Variants in VPS8 observed in about 807,000 individuals in gnomAD.
VPS8 encodes the protein vacuolar protein sorting-associated protein 8 homolog.
VPS8 carries 129 observed loss-of-function variants against 216.4 expected under a neutral mutation model. The observed-to-expected ratio is 0.60, with a 90% CI of 0.52 to 0.69. The LOEUF (loss-of-function observed/expected upper bound fraction) is 0.69. VPS8 is among the 30% of genes least tolerant of loss of function. The pLI is 0.00. For synonymous variants in VPS8, 571 were observed against 565.4 expected (o/e 1.01, Z -0.14); for missense variants, 1,531 against 1,683.5 (o/e 0.91, Z 1.59).
rs1271323437 is a variant in VPS8, at chr3:184,936,258, C to T, written c.2911C>T (p.Leu971=). ...AMDHIEELVS[L]KPCKAAELVA... is the part of the protein sequence containing the mutation. Reference sequence around the variant, plus strand: ...CCTTTAACTCCAGGAACTCGTGTCCCTGAAGCCTTGTAAAGCTGCGGAGCT... The same window carrying T: ...CCTTTAACTCCAGGAACTCGTGTCCTTGAAGCCTTGTAAAGCTGCGGAGCT... Residue 971 remains leucine (L), a synonymous_variant, in exon 35 of 48, where the codon CTG becomes TTG. Transcript: ENST00000625842. 1 of 1,609,040 alleles carries T rather than the reference C, an allele frequency of 6.2e-7. No homozygotes were observed. Among genetic ancestry groups the T allele is most frequent in the Non-Finnish European group, 8.5e-7 (1 of 1,177,688 alleles).
At chr3:185,019,238 T>C (rs1390733803) in intron 45 of VPS8, among the ~76,000 whole-genome samples, 1 of 152,094 alleles carries the variant, frequency 6.6e-6, no homozygotes, top group Non-Finnish European at 1.5e-5. Flanking sequence ...TCTCCAACCA[T>C]CACTCCGGCG....
Position 185,018,040 on chromosome 3 carries a change from G to C in VPS8, c.4003-6296G>C, listed in dbSNP as rs149420074. Among the ~76,000 whole-genome samples, 839 of 152,200 alleles carry C rather than the reference G, an allele frequency of 5.5e-3. 8 individuals carry two copies. The highest frequency in any genetic ancestry group is 0.019 in the African/African-American group (781 of 41,504). On this transcript the variant is annotated intron_variant, in intron 45 of 47. Coordinates refer to ENST00000625842, the MANE Select transcript of VPS8 (RefSeq NM_001009921.3). ...ACCATGCTTCCCACAGTTAAAACAAGCTCCAGGAAATGGAGTATTTCCTTT... is the reference window on the plus strand; with the variant it reads ...ACCATGCTTCCCACAGTTAAAACAACCTCCAGGAAATGGAGTATTTCCTTT...
intron 35 of VPS8, among the ~76,000 whole-genome samples, chr3:184,938,623 A>G (rs1742063932): frequency 6.6e-6 from 1 of 150,438 alleles, no homozygotes. Flanking sequence ...GATCACTTGT[A>G]GGATTTTCTT....
At chr3:184,975,644 G>A (rs991498404) in intron 40 of VPS8, among the ~76,000 whole-genome samples, 32 of 152,138 alleles carry the variant, frequency 2.1e-4, no homozygotes, top group African/African-American at 7.7e-4. Context: ...TAGAAAAAAG[G>A]CTTTCAGCTT....
chr3:184,983,054 C>G lies in VPS8; in HGVS notation c.3545C>G (p.Ala1182Gly). 1 of 1,610,060 alleles carries G rather than the reference C, an allele frequency of 6.2e-7. No individual in the cohort carries two copies. Among genetic ancestry groups the G allele is most frequent in the Non-Finnish European group, 8.5e-7 (1 of 1,177,792 alleles). The change falls in exon 42 of 48, where the codon GCA becomes GGA. Residue 1182 changes from alanine (A) to glycine (G), a missense_variant. Ala to Gly is a moderately conservative substitution (Grantham distance 60). Around this residue, in one of 3 missense-constraint regions of VPS8, gnomAD observed 1,318 missense variants for 1,468.4 expected, o/e 0.90. Coordinates refer to ENST00000625842, the MANE Select transcript of VPS8 (RefSeq NM_001009921.3). The stretch of plus-strand genomic sequence containing the variant: ...ATGCAAGTTTTAAATAGCATGGCAG[C>G]ATTTATTGCCCTTCCATCAATCTTG... ...LTMQVLNSMAAFIALPSILQR... is the reference protein window; with the variant it reads ...LTMQVLNSMAGFIALPSILQR...
intron 23 of VPS8, among the ~76,000 whole-genome samples, chr3:184,895,608 CCT>C: frequency 4.5e-5 from 1 of 22,130 alleles, no homozygotes; most frequent in Non-Finnish European, 1.1e-4. Context: ...CTCCCCCCCT[CCT>C]CCTCCCCCCC....
intron 45 of VPS8, among the ~76,000 whole-genome samples, chr3:185,004,353 G>T (rs929638319): frequency 1.3e-5 from 2 of 152,170 alleles, no homozygotes; most frequent in Admixed American, 1.3e-4. Flanking sequence ...GGCGGCGCGC[G>T]CCCGCAATCG....
chr3:184,817,278 AATGGGTGG>A (rs1029266142), intron 1 of VPS8: 1 of 150,582 alleles, frequency 6.6e-6, no homozygotes. Context: ...GGGAGGGAGG[AATGGGTGG>A]ATGGGTAGAT....
intron 46 of VPS8, among the ~76,000 whole-genome samples, chr3:185,025,388 A>C (rs188832962): frequency 6.6e-6 from 1 of 152,294 alleles, no homozygotes; most frequent in East Asian, 1.9e-4. Flanking sequence ...GCCAGCATCC[A>C]TATCAGTGAA....
intron 29 of VPS8, among the ~76,000 whole-genome samples, chr3:184,923,542 C>T (rs1286869014): frequency 6.6e-6 from 1 of 152,154 alleles, no homozygotes; most frequent in East Asian, 1.9e-4. Flanking sequence ...GTACTGCTGA[C>T]AGGATAATTT....
At chr3:184,893,759 G>T (rs1024546338) in intron 22 of VPS8, among the ~76,000 whole-genome samples, 2 of 152,150 alleles carry the variant, frequency 1.3e-5, no homozygotes, top group African/African-American at 4.8e-5. Context: ...AATGGGAAAG[G>T]CTTTATATGT....
At chr3:184,964,802 T>TTA (rs767505384) in intron 38 of VPS8, among the ~76,000 whole-genome samples, 10 of 152,136 alleles carry the variant, frequency 6.6e-5, no homozygotes, top group Non-Finnish European at 8.8e-5. Flanking sequence ...ACAAGTATTT[T>TTA]TATATATATA....
At chr3:185,003,326 G>A (rs1253612764) in intron 45 of VPS8, among the ~76,000 whole-genome samples, 1 of 142,884 alleles carries the variant, frequency 7.0e-6, no homozygotes, top group South Asian at 2.3e-4. Context: ...GTGTCCCTGG[G>A]TACTTGAGAT....
intron 40 of VPS8, 64 bp downstream of exon 40, chr3:184,971,816 T>C (rs1748459883): frequency 2.9e-6 from 4 of 1,389,478 alleles, no homozygotes; most frequent in Non-Finnish European, 4.0e-6. Flanking sequence ...GGCCCACGTC[T>C]GTAATCCCAG....
intron 46 of VPS8, among the ~76,000 whole-genome samples, chr3:185,039,545 G>A (rs1420098756): frequency 6.6e-6 from 1 of 151,782 alleles, no homozygotes; most frequent in Non-Finnish European, 1.5e-5. Flanking sequence ...TTTTGGAAAA[G>A]AAATGCTTTT....
At chr3:184,963,045 A>G (rs1471149183) in intron 37 of VPS8, among the ~76,000 whole-genome samples, 2 of 152,056 alleles carry the variant, frequency 1.3e-5, no homozygotes, top group East Asian at 1.9e-4. Flanking sequence ...GTCTTTCCCT[A>G]TATCCATACC....
intron 8 of VPS8, among the ~76,000 whole-genome samples, chr3:184,848,580 T>G (rs1723617889): frequency 6.8e-6 from 1 of 146,120 alleles, no homozygotes; most frequent in South Asian, 2.2e-4. Context: ...TTTTTTTTTT[T>G]TTTTTTGAGA....
At chr3:184,980,268 G>T (rs114564554) in intron 40 of VPS8, among the ~76,000 whole-genome samples, 2 of 151,516 alleles carry the variant, frequency 1.3e-5, no homozygotes, top group Non-Finnish European at 1.5e-5. Context: ...CATGTGTCTC[G>T]GTAATGGTCA....
At chr3:184,964,706 T>G (rs1298576116) in intron 38 of VPS8, 149 bp downstream of exon 38, 1 of 428,444 alleles carries the variant, frequency 2.3e-6, no homozygotes, top group Non-Finnish European at 4.0e-6. Context: ...TAACTAGAGT[T>G]TAATATTTCT....
Sources: gnomAD v4.1 joint callset for allele counts (sites outside exome capture counted in the v4.1 genomes callset) on GRCh38, gnomAD v4.1.1 for gene constraint, gnomAD v4.1.1 regional missense constraint, MANE v1.5 for transcripts, NCBI Gene and HGNC (gene_info 2026-07-23, HGNC 2026-07-21) for gene names.